Variants in BMPER observed in about 807,000 individuals in gnomAD.
BMPER encodes the protein BMP binding endothelial regulator.
Under a neutral mutation model 87.3 loss-of-function variants are expected in BMPER, and 45 were observed. That is an observed-to-expected ratio of 0.52 (90% CI 0.41 to 0.66). BMPER has a LOEUF of 0.66. Ranked by LOEUF, BMPER falls within the 30% of genes least tolerant of loss-of-function variation. The pLI is 0.00. For missense variants in BMPER, 784 were observed against 867.5 expected (o/e 0.90, Z 1.21); for synonymous variants, 326 against 316.2 (o/e 1.03, Z -0.33).
intron 6 of BMPER, among the ~76,000 whole-genome samples, chr7:34,038,794 T>C (rs978116692): frequency 2.0e-5 from 3 of 152,204 alleles, no homozygotes; most frequent in Admixed American, 6.5e-5. Context: ...TTTGCTGACA[T>C]GTTCTTGAAT....
chr7:34,044,389 T>C (rs138977935), intron 6 of BMPER, among the ~76,000 whole-genome samples: 1 of 152,342 alleles, frequency 6.6e-6, no homozygotes, highest in East Asian at 1.9e-4. Context: ...GAATGTATTC[T>C]CTGTGCACCT....
At chr7:34,152,986 G>A in intron 14 of BMPER, 106 bp from the exon 15 acceptor site, 1 of 1,293,498 alleles carries the variant, frequency 7.7e-7, no homozygotes, top group Non-Finnish European at 1.1e-6. Flanking sequence ...CCTGAGCTAT[G>A]GAAACGTCCA....
chr7:34,016,697 T>C (rs533999437), intron 6 of BMPER, among the ~76,000 whole-genome samples: 1 of 152,130 alleles, frequency 6.6e-6, no homozygotes, highest in East Asian at 1.9e-4. Flanking sequence ...TATCAACCAC[T>C]GTGGTTCCTA....
chr7:34,027,363 A>T (rs1448213969), intron 6 of BMPER, among the ~76,000 whole-genome samples: 2 of 152,112 alleles, frequency 1.3e-5, no homozygotes. Flanking sequence ...GTCATTTGTT[A>T]TTCACCACTG....
intron 1 of BMPER, among the ~76,000 whole-genome samples, chr7:33,906,376 G>T (rs1783817150): frequency 6.6e-6 from 1 of 152,200 alleles, no homozygotes; most frequent in South Asian, 2.1e-4. Context: ...ATGCGAGACA[G>T]ATTCATAGAA....
intron 6 of BMPER, among the ~76,000 whole-genome samples, chr7:34,013,231 C>T (rs1786928464): frequency 6.6e-6 from 1 of 151,780 alleles, no homozygotes; most frequent in African/African-American, 2.4e-5. Flanking sequence ...TGGCACAACT[C>T]TCCATTCTCT....
chr7:34,046,968 A>G (rs1427505604), intron 7 of BMPER, among the ~76,000 whole-genome samples: 1 of 151,480 alleles, frequency 6.6e-6, no homozygotes, highest in South Asian at 2.1e-4. Context: ...GAAGCTGTGA[A>G]ATGTAGGTAC....
At chr7:33,991,367 T>G (rs1406956669) in intron 6 of BMPER, among the ~76,000 whole-genome samples, 1 of 152,134 alleles carries the variant, frequency 6.6e-6, no homozygotes, top group Non-Finnish European at 1.5e-5. Flanking sequence ...GTCCAGGAAT[T>G]TATCCATTTC....
intron 6 of BMPER, among the ~76,000 whole-genome samples, chr7:33,977,339 A>G (rs1785712958): frequency 6.6e-6 from 1 of 151,342 alleles, no homozygotes; most frequent in African/African-American, 2.4e-5. Flanking sequence ...AACTGTGGAG[A>G]TGTTCACTTT....
At chr7:33,961,514 C>T (rs953431126) in intron 3 of BMPER, among the ~76,000 whole-genome samples, 1 of 152,228 alleles carries the variant, frequency 6.6e-6, no homozygotes, top group South Asian at 2.1e-4. Context: ...AGTCAGTGAG[C>T]CTGTTGCAAT....
At chr7:33,932,194 G>A (rs1194306707) in intron 2 of BMPER, among the ~76,000 whole-genome samples, 2 of 152,146 alleles carry the variant, frequency 1.3e-5, no homozygotes, top group Admixed American at 6.5e-5. Context: ...CTACCTCCAG[G>A]GGTATTTGTA....
intron 6 of BMPER, among the ~76,000 whole-genome samples, chr7:34,015,901 G>GT (rs947564962): frequency 2.0e-5 from 3 of 151,828 alleles, no homozygotes; most frequent in Non-Finnish European, 4.4e-5. Flanking sequence ...TTAGGAGCCT[G>GT]TAGAGTAGCA....
At chr7:34,024,484 AT>A (rs1787305243) in intron 6 of BMPER, among the ~76,000 whole-genome samples, 1 of 134,094 alleles carries the variant, frequency 7.5e-6, no homozygotes, top group East Asian at 2.2e-4. Context: ...CTAAAAGTTC[AT>A]GATGAAACCA....
intron 6 of BMPER, among the ~76,000 whole-genome samples, chr7:34,032,190 G>A (rs1477427079): frequency 1.3e-5 from 2 of 151,520 alleles, no homozygotes; most frequent in African/African-American, 2.4e-5. Flanking sequence ...ATTAACTTTG[G>A]TGCAATACAG....
chr7:34,145,577 A>G (rs1397811503), intron 14 of BMPER, among the ~76,000 whole-genome samples: 2 of 152,196 alleles, frequency 1.3e-5, no homozygotes, highest in East Asian at 3.9e-4. Flanking sequence ...CCTTCCAGCC[A>G]TCTTGAATAC....
chr7:34,119,320 C>T (rs1790203360), intron 13 of BMPER, among the ~76,000 whole-genome samples: 1 of 152,182 alleles, frequency 6.6e-6, no homozygotes, highest in Non-Finnish European at 1.5e-5. Context: ...CAACCAAACA[C>T]CAACATTTTT....
intron 3 of BMPER, among the ~76,000 whole-genome samples, chr7:33,963,454 A>C (rs1785321141): frequency 6.6e-6 from 1 of 152,184 alleles, no homozygotes; most frequent in South Asian, 2.1e-4. Context: ...CTAGTAAGTC[A>C]CTTTTATTAT....
chr7:33,974,172 G>A (rs563835386), intron 5 of BMPER, among the ~76,000 whole-genome samples: 4 of 152,224 alleles, frequency 2.6e-5, no homozygotes, highest in East Asian at 3.9e-4. Context: ...TCTGAGCCAC[G>A]TTTTCCTTAT....
chr7:33,976,841 T>G (rs1284075617), intron 6 of BMPER, among the ~76,000 whole-genome samples: 2 of 152,168 alleles, frequency 1.3e-5, no homozygotes, highest in East Asian at 3.9e-4. Context: ...CAAACCAAAA[T>G]GTACTGCAGG....
Sources: gnomAD v4.1 joint callset for allele counts (sites outside exome capture counted in the v4.1 genomes callset) on GRCh38, gnomAD v4.1.1 for gene constraint, MANE v1.5 for transcripts, NCBI Gene and HGNC (gene_info 2026-07-23, HGNC 2026-07-21) for gene names.